Variants in SLC26A7 observed in about 807,000 individuals in gnomAD.
The protein encoded by SLC26A7 is solute carrier family 26 member 7.
In SLC26A7, 59 loss-of-function variants were observed where a neutral mutation model predicts 82.5. The ratio of observed to expected loss-of-function variants is 0.72; its 90% CI spans 0.58 to 0.89. The LOEUF (loss-of-function observed/expected upper bound fraction) is 0.89. SLC26A7 is among the 40% of genes least tolerant of loss of function. The pLI is 0.00. For missense variants in SLC26A7, 820 were observed against 793.0 expected (o/e 1.03, Z -0.41); for synonymous variants, 271 against 274.3 (o/e 0.99, Z 0.12).
rs757124200 is a variant in SLC26A7 at position 91,351,913 on chromosome 8, A to C, written c.1218+26A>C. 9 of 1,507,158 alleles carry C rather than the reference A, an allele frequency of 6.0e-6. No homozygotes were observed. In the Admixed American group the frequency reaches 1.4e-4, roughly 23 times the overall value. The allele number at this position is 1,507,158 out of a possible 1,614,324, so 93.4% of individuals were successfully genotyped here. On this transcript the variant is annotated intron_variant, in intron 10 of 18. Transcript: ENST00000276609. ...GTACGGTAGTGCTTTTTCACTATCT[A>C]CTTTTTAATTTAACTTTTCATGAGA...
chr8:91,333,140 T>C (rs1813141040), intron 5 of SLC26A7, among the ~76,000 whole-genome samples: 1 of 152,170 alleles, frequency 6.6e-6, no homozygotes, highest in Non-Finnish European at 1.5e-5. Context: ...TACATAACTA[T>C]CAACAACATT....
intron 4 of SLC26A7, among the ~76,000 whole-genome samples, chr8:91,305,113 A>C (rs1812268175): frequency 6.6e-6 from 1 of 152,188 alleles, no homozygotes; most frequent in Non-Finnish European, 1.5e-5. Context: ...AACAGAGACT[A>C]TTTGTCTCTA....
At chr8:91,358,501 T>G (rs1332671533) in intron 11 of SLC26A7, among the ~76,000 whole-genome samples, 1 of 151,902 alleles carries the variant, frequency 6.6e-6, no homozygotes, top group East Asian at 1.9e-4. Context: ...GGCTAATTTT[T>G]TTGTATTTTT....
chr8:91,353,726 C>A (rs546735154), intron 11 of SLC26A7, among the ~76,000 whole-genome samples: 1 of 152,012 alleles, frequency 6.6e-6, no homozygotes, highest in Non-Finnish European at 1.5e-5. Flanking sequence ...ATCATTTTCT[C>A]TGAGAGGTTT....
chr8:91,394,525 G>T, intron 18 of SLC26A7: 2 of 1,302,644 alleles, frequency 1.5e-6, no homozygotes, highest in Non-Finnish European at 1.9e-6. Flanking sequence ...CTGGGCTTAT[G>T]GTTTAGTTTT....
At chr8:91,339,995 C>T (rs1458527071) in intron 7 of SLC26A7, among the ~76,000 whole-genome samples, 1 of 152,050 alleles carries the variant, frequency 6.6e-6, no homozygotes, top group Non-Finnish European at 1.5e-5. Flanking sequence ...CACAGTAAAC[C>T]AGTGTTTGCA....
intron 2 of SLC26A7, among the ~76,000 whole-genome samples, chr8:91,241,915 A>G (rs979647518): frequency 3.3e-5 from 5 of 152,182 alleles, no homozygotes; most frequent in Non-Finnish European, 7.4e-5. Context: ...TAATGAGGCT[A>G]ACATTGCAAG....
chr8:91,235,805 C>G (rs780419530), intron 2 of SLC26A7, among the ~76,000 whole-genome samples: 15 of 152,096 alleles, frequency 9.9e-5, no homozygotes, highest in Non-Finnish European at 1.9e-4. Context: ...CTTAATTTAA[C>G]CATCTTTTGA....
intron 4 of SLC26A7, among the ~76,000 whole-genome samples, chr8:91,309,459 T>A (rs1448098207): frequency 6.6e-6 from 1 of 151,546 alleles, no homozygotes; most frequent in Non-Finnish European, 1.5e-5. Context: ...ACACTCACCA[T>A]CCATTTGTTT....
chr8:91,387,645 C>T (rs1293208388), intron 15 of SLC26A7, among the ~76,000 whole-genome samples: 2 of 152,214 alleles, frequency 1.3e-5, no homozygotes, highest in East Asian at 1.9e-4. Flanking sequence ...TCTGATATAT[C>T]CTGCAAGGCT....
intron 15 of SLC26A7, among the ~76,000 whole-genome samples, chr8:91,378,708 C>T (rs1403546500): frequency 1.3e-5 from 2 of 151,582 alleles, no homozygotes; most frequent in Non-Finnish European, 2.9e-5. Context: ...TGACCATACA[C>T]TGGGTCATTA....
chr8:91,299,964 G>C (rs914095333), intron 4 of SLC26A7, among the ~76,000 whole-genome samples: 1 of 152,324 alleles, frequency 6.6e-6, no homozygotes, highest in African/African-American at 2.4e-5. Context: ...AAGTAAAGAA[G>C]TGGAGAAAGA....
At chr8:91,364,087 G>T (rs1432953058) in intron 13 of SLC26A7, among the ~76,000 whole-genome samples, 1 of 151,804 alleles carries the variant, frequency 6.6e-6, no homozygotes, top group Non-Finnish European at 1.5e-5. Context: ...AAACAGTTTT[G>T]CTCTGCTCAT....
At chr8:91,353,414 A>C (rs1288267764) in intron 11 of SLC26A7, among the ~76,000 whole-genome samples, 1 of 152,184 alleles carries the variant, frequency 6.6e-6, no homozygotes, top group Non-Finnish European at 1.5e-5. Flanking sequence ...GAACCTCTTA[A>C]TGGTGACCAC....
chr8:91,348,138 A>G lies in SLC26A7; in HGVS notation c.1141-3672A>G, dbSNP rs140302437. On this transcript the variant is annotated intron_variant, in intron 9 of 18. Transcript: ENST00000276609. ...AACACTGAGATTGTCTCCGCATTCTAATTTGCCAAACTGTATTCCTTTATT... is the reference window on the plus strand; with the variant it reads ...AACACTGAGATTGTCTCCGCATTCTGATTTGCCAAACTGTATTCCTTTATT... 2.8e-3 allele frequency among the ~76,000 whole-genome samples: 426 copies of G among 152,352 alleles called. 3 individuals are homozygous for G. The highest frequency in any genetic ancestry group is 9.7e-3 in the African/African-American group (404 of 41,594).
At chr8:91,318,033 A>G (rs1192676588) in intron 4 of SLC26A7, among the ~76,000 whole-genome samples, 183 bp from the exon 5 acceptor site, 3 of 151,512 alleles carry the variant, frequency 2.0e-5, no homozygotes, top group Admixed American at 2.0e-4. Flanking sequence ...GAAACCTCTT[A>G]GAACCTAACA....
At position 91,330,007 on chromosome 8, in the gene SLC26A7, T is replaced by G. The variant is rs1271560076; in HGVS notation, c.643-4288T>G. ...AAAATGTCATCTGCATCTAAGATAA[T>G]GATGACATTGTAGTACCTACTTTTC... On this transcript the variant is annotated intron_variant, in intron 5 of 18. Coordinates refer to ENST00000276609, the MANE Select transcript of SLC26A7 (RefSeq NM_052832.4). Among the ~76,000 whole-genome samples, 3 of 152,112 alleles carry G rather than the reference T, an allele frequency of 2.0e-5. No individual in the cohort carries two copies. In the East Asian group the frequency reaches 5.8e-4, roughly 29 times the overall value.
chr8:91,296,652 AAATGAG>A (rs1216010275), intron 4 of SLC26A7, among the ~76,000 whole-genome samples: 1 of 152,246 alleles, frequency 6.6e-6, no homozygotes, highest in Non-Finnish European at 1.5e-5. Context: ...ATGTAAAATG[AAATGAG>A]AATAAGAACT....
chr8:91,267,211 T>TG (rs1554602677), intron 2 of SLC26A7, among the ~76,000 whole-genome samples: 3 of 151,704 alleles, frequency 2.0e-5, no homozygotes, highest in Non-Finnish European at 3.0e-5. Flanking sequence ...CCCACCTCTT[T>TG]TTGTTGTTGT....
Sources: allele counts gnomAD v4.1 joint callset (sites outside exome capture counted in the v4.1 genomes callset), GRCh38; gene constraint gnomAD v4.1.1; transcripts MANE v1.5; gene names NCBI Gene and HGNC (gene_info 2026-07-23, HGNC 2026-07-21).